The following ITGA7 variants were observed in gnomAD, a reference collection of about 807,000 sequenced individuals.
The protein encoded by ITGA7 is integrin subunit alpha 7, also known as integrin alpha-7.
ITGA7 carries 84 observed loss-of-function variants against 131.6 expected under a neutral mutation model. The observed-to-expected ratio is 0.64, with a 90% confidence interval of 0.54 to 0.77. The LOEUF (loss-of-function observed/expected upper bound fraction) is 0.77. Ranked by LOEUF, ITGA7 falls within the 30% of genes least tolerant of loss-of-function variation. The pLI is 0.00. For synonymous variants in ITGA7, 548 were observed against 600.7 expected, an observed-to-expected ratio of 0.91 and a Z score of 1.28; for missense variants, 1,399 against 1,482.9, an observed-to-expected ratio of 0.94 and a Z score of 0.93.
upstream of ITGA7, among the ~76,000 whole-genome samples, chr12:55,708,300 A>T (rs1199909953): frequency 3.3e-5 from 5 of 152,158 alleles, no homozygotes; most frequent in Non-Finnish European, 5.9e-5. Flanking sequence ...AGGAAATGAA[A>T]GGGGAGCCGT....
intron 22 of ITGA7, among the ~76,000 whole-genome samples, 154 bp from the exon 23 acceptor site, chr12:55,688,454 G>A (rs1465008132): frequency 6.6e-6 from 1 of 152,210 alleles, no homozygotes; most frequent in East Asian, 1.9e-4. Flanking sequence ...GCTGGGCACA[G>A]TGGCTCACAC....
At chr12:55,691,072 A>G (rs1011685855) in intron 21 of ITGA7, among the ~76,000 whole-genome samples, 2 of 151,950 alleles carry the variant, frequency 1.3e-5, no homozygotes, top group African/African-American at 4.8e-5. Flanking sequence ...ATACATATGT[A>G]ACTAACCTGC....
chr12:55,690,980 C>G (rs1871306177), intron 21 of ITGA7, among the ~76,000 whole-genome samples: 2 of 150,622 alleles, frequency 1.3e-5, no homozygotes, highest in African/African-American at 4.9e-5. Context: ...GGGGTGGGGG[C>G]AGTGGGGAGG....
chr12:55,705,959 C>T (rs1875085917), intron 1 of ITGA7, among the ~76,000 whole-genome samples: 1 of 152,174 alleles, frequency 6.6e-6, no homozygotes, highest in African/African-American at 2.4e-5. Context: ...CCTGGCCTCT[C>T]ACATACCCCC....
At chr12:55,708,927 T>G (rs1460385483), upstream of ITGA7, among the ~76,000 whole-genome samples, 5 of 151,458 alleles carry the variant, frequency 3.3e-5, no homozygotes, top group Non-Finnish European at 7.4e-5. Context: ...GGCAAGGGGG[T>G]GGGGGGACAC....
intron 1 of ITGA7, among the ~76,000 whole-genome samples, chr12:55,704,520 C>G (rs548230813): frequency 6.6e-6 from 1 of 152,336 alleles, no homozygotes; most frequent in East Asian, 1.9e-4. Context: ...TCAGCACCTA[C>G]TATGACGTCA....
At chr12:55,710,433 T>C (rs1227913782), upstream of ITGA7, among the ~76,000 whole-genome samples, 2 of 151,588 alleles carry the variant, frequency 1.3e-5, no homozygotes, top group Non-Finnish European at 2.9e-5. Context: ...AATAAACTGT[T>C]AGAGAACTTC....
In ITGA7 at chr12:55,694,184, G is replaced by A. The variant is rs1443440538; in HGVS notation, c.2433-61C>T. On this transcript the variant is annotated intron_variant, in intron 18 of 24. Transcript: ENST00000257879. This position sits in a 1 kb window ranked among gnomAD's most constrained non-coding sequence, Gnocchi z 5.3. Reference sequence around the variant, plus strand: ...CTGGGGCCTGGCTCAATGAAGGCAGGGCCCTGGCCAAGGTTTGGAAATGTC... The same window carrying A: ...CTGGGGCCTGGCTCAATGAAGGCAGAGCCCTGGCCAAGGTTTGGAAATGTC... 1.9e-6 allele frequency: 3 copies of A among 1,611,474 alleles called. No individual in the cohort carries two copies. In the African/African-American group the frequency reaches 4.0e-5, roughly 22 times the overall value.
At chr12:55,712,156 T>C, upstream of ITGA7, 1 of 1,551,422 alleles carries the variant, frequency 6.4e-7, no homozygotes. Context: ...AGAACATAAA[T>C]GTGATTGAGG....
intron 21 of ITGA7, among the ~76,000 whole-genome samples, chr12:55,691,329 G>T (rs549809139): frequency 6.6e-6 from 1 of 152,114 alleles, no homozygotes; most frequent in East Asian, 1.9e-4. Flanking sequence ...GTGTGGCTGG[G>T]GAGATGGAGG....
In ITGA7 at chr12:55,693,762, C is replaced by A. The variant is rs1872003413; in HGVS notation, c.2535+259G>T. Among the ~76,000 whole-genome samples, 5 of 152,082 alleles carry A rather than the reference C, an allele frequency of 3.3e-5. No individual in the cohort carries two copies. The South Asian group carries it at 1.0e-3, about 32-fold the overall frequency. Reference sequence around the variant, plus strand: ...ATGTTCCCATCCCCCAGCTGAGGCCCACAGCAGAGAAGCTTCCCTGGACTC... The same window carrying A: ...ATGTTCCCATCCCCCAGCTGAGGCCAACAGCAGAGAAGCTTCCCTGGACTC... On this transcript the variant is annotated intron_variant, in intron 19 of 24. Coordinates refer to ENST00000257879, the MANE Select transcript of ITGA7 (RefSeq NM_002206.3).
In ITGA7 at chr12:55,703,148, A is replaced by T; in HGVS notation, c.237T>A (p.Ala79=). The part of the protein sequence containing the change: ...WLLVGAPQAL[A]LPGQQANRTG... The stretch of plus-strand genomic sequence containing the variant: ...TGCGATTCGCCTGCTGCCCAGGAAG[A>T]GCCAGGGCCTGGGGAGCACCCACCA... The change falls in exon 2 of 25, where the codon GCT becomes GCA. Residue 79 remains alanine (A), a synonymous_variant. Coordinates refer to ENST00000257879, the MANE Select transcript of ITGA7 (RefSeq NM_002206.3). 1 of 1,612,448 alleles carries T rather than the reference A, an allele frequency of 6.2e-7. No individual in the cohort carries two copies. Among genetic ancestry groups the T allele is most frequent in the South Asian group, 1.1e-5 (1 of 91,042 alleles).
chr12:55,686,609 A>G (rs1870203003), intron 24 of ITGA7, among the ~76,000 whole-genome samples: 1 of 152,214 alleles, frequency 6.6e-6, no homozygotes, highest in Non-Finnish European at 1.5e-5. Flanking sequence ...CCCCAAGGAC[A>G]TGTGTGGTTC....
chr12:55,698,312 G>T, intron 7 of ITGA7, 71 bp downstream of exon 7: 1 of 1,389,412 alleles, frequency 7.2e-7, no homozygotes, highest in Non-Finnish European at 9.8e-7. Context: ...ACCACACCCT[G>T]ACCTCTGAGG....
rs757556025 is a variant in ITGA7 at position 55,696,362 on chromosome 12, C to T, written c.1808G>A (p.Arg603Gln). 7 of 1,593,174 alleles carry T rather than the reference C, an allele frequency of 4.4e-6. No homozygotes were observed. The highest frequency in any genetic ancestry group is 4.3e-6 in the Non-Finnish European group (5 of 1,168,654). ...LSYSLQTPRL[R>Q]RQAPGQGLPP... ...CAGCCCCTGGCCAGGAGCCTGTCGC[C>T]GGAGCCGAGGGGTCTGGAGACTGTA... Residue 603 changes from arginine to glutamine, a missense_variant, in exon 13 of 25, where the codon CGG becomes CAG. Arg to Gln is a conservative substitution (Grantham distance 43, BLOSUM62 1). Coordinates refer to ENST00000257879, the MANE Select transcript of ITGA7 (RefSeq NM_002206.3).
intron 24 of ITGA7, among the ~76,000 whole-genome samples, chr12:55,686,856 C>T (rs905162021): frequency 1.3e-5 from 2 of 152,226 alleles, no homozygotes; most frequent in African/African-American, 4.8e-5. Flanking sequence ...TGTTGGCCTT[C>T]TTGGCCACAT....
rs1286258810 is a variant in ITGA7 at position 55,688,260 on chromosome 12, G to A, written c.2999C>T (p.Ala1000Val). 7 of 1,613,956 alleles carry A rather than the reference G, an allele frequency of 4.3e-6. No homozygotes were observed. The highest frequency in any genetic ancestry group is 5.9e-6 in the Non-Finnish European group (7 of 1,179,986). ...AVKSLEVIVR[A>V]NITVKSSIKN... ...TATGGAGGACTTCACTGTGATGTTGGCCCGGACAATCACTTCCAGGGACTT... is the reference window on the plus strand; with the variant it reads ...TATGGAGGACTTCACTGTGATGTTGACCCGGACAATCACTTCCAGGGACTT... The change falls in exon 23 of 25, where the codon GCC becomes GTC. Residue 1000 changes from alanine (A) to valine (V), a missense_variant. Coordinates refer to ENST00000257879, the MANE Select transcript of ITGA7 (RefSeq NM_002206.3).
At chr12:55,709,509 A>G (rs142669235), upstream of ITGA7, among the ~76,000 whole-genome samples, 320 of 152,318 alleles carry the variant, frequency 2.1e-3, 1 homozygote, top group African/African-American at 7.3e-3. Flanking sequence ...AACAGGTACT[A>G]TAAGGAAATA....
In ITGA7 at chr12:55,701,251, A is replaced by C. The variant is rs1873947913; in HGVS notation, c.415-97T>G. ...GCAGAGATTTGGCAGATACTGATACATGTGTGCTCACATGCACATGCACAT... is the reference window on the plus strand; with the variant it reads ...GCAGAGATTTGGCAGATACTGATACCTGTGTGCTCACATGCACATGCACAT... On this transcript the variant is annotated intron_variant, in intron 3 of 24. Coordinates refer to ENST00000257879, the MANE Select transcript of ITGA7 (RefSeq NM_002206.3). 3 of 1,593,602 alleles carry C rather than the reference A, an allele frequency of 1.9e-6. No homozygotes were observed. In the African/African-American group the frequency reaches 4.0e-5, roughly 21 times the overall value.
Sources: allele counts gnomAD v4.1 joint callset (sites outside exome capture counted in the v4.1 genomes callset), GRCh38; gene constraint gnomAD v4.1.1; non-coding constraint Gnocchi (gnomAD v3.1); transcripts MANE v1.5; gene names NCBI Gene and HGNC (gene_info 2026-07-23, HGNC 2026-07-21).